Variants in UROS observed in about 807,000 individuals in gnomAD.
The protein encoded by UROS is uroporphyrinogen III synthase.
UROS carries 18 observed loss-of-function variants against 33.0 expected under a neutral mutation model. The ratio of observed to expected loss-of-function variants is 0.55; its 90% CI spans 0.38 to 0.81. UROS has a LOEUF of 0.81. UROS is among the 30% of genes least tolerant of loss of function. The probability of loss-of-function intolerance (pLI) is 0.00; values close to 1 mark genes in which losing one functional copy is unlikely to be tolerated. For missense variants in UROS, 293 were observed against 314.9 expected (o/e 0.93, Z 0.53); for synonymous variants, 114 against 121.1 (o/e 0.94, Z 0.38).
rs1850708963 is a variant in UROS, at chr10:125,788,729, C to A, written c.*139G>T. On this transcript the variant is annotated 3_prime_UTR_variant, in exon 10 of 10. Coordinates refer to ENST00000368797, the MANE Select transcript of UROS (RefSeq NM_000375.3). ...CAGCCCCAGGTCAGGTCCCGATCCC[C>A]GGTCCTCAGGTGCTTCCACTCAGGC... The A allele has an allele frequency of 6.9e-7, 1 of 1,441,308 alleles. No individual in the cohort carries two copies. The highest frequency in any genetic ancestry group is 2.7e-5 in the Admixed American group (1 of 36,448). 89.3% of individuals were successfully genotyped at this position (1,441,308 alleles called of 1,614,324 possible).
intron 1 of UROS, among the ~76,000 whole-genome samples, chr10:125,822,353 TCGC>T (rs1363982461): frequency 1.3e-5 from 2 of 151,662 alleles, no homozygotes; most frequent in African/African-American, 4.8e-5. Context: ...TCTACCTCTG[TCGC>T]CCAGGCTGGA....
chr10:125,816,706 G>C (rs556588729), intron 1 of UROS, 181 bp from the exon 2 acceptor site: 45 of 629,362 alleles, frequency 7.2e-5, no homozygotes, highest in Non-Finnish European at 1.2e-4. Context: ...TCACTGATAA[G>C]GCCAAGAAAG....
At chr10:125,812,885 T>C (rs1031211829) in intron 4 of UROS, among the ~76,000 whole-genome samples, 1 of 152,086 alleles carries the variant, frequency 6.6e-6, no homozygotes, top group Non-Finnish European at 1.5e-5. Flanking sequence ...AAAGAGAAAA[T>C]GGATTGTATA....
intron 6 of UROS, among the ~76,000 whole-genome samples, chr10:125,800,111 G>C (rs1049872022): frequency 1.3e-5 from 2 of 152,046 alleles, no homozygotes; most frequent in African/African-American, 4.8e-5. Flanking sequence ...GCTCAGGAGG[G>C]GGCTTGATAA....
At chr10:125,798,423 C>T (rs1363038870) in intron 6 of UROS, among the ~76,000 whole-genome samples, 2 of 152,248 alleles carry the variant, frequency 1.3e-5, no homozygotes, top group Non-Finnish European at 2.9e-5. Context: ...TTAACTCCTT[C>T]TGATCCTGAA....
intron 1 of UROS, among the ~76,000 whole-genome samples, chr10:125,822,321 T>TTG (rs1268220195): frequency 1.5e-5 from 2 of 133,696 alleles, no homozygotes; most frequent in Non-Finnish European, 3.5e-5. Context: ...CCCGAAGCAT[T>TTG]TTTTTTTTTT....
At chr10:125,792,560 T>C (rs1589921214) in intron 9 of UROS, 1 of 152,258 alleles carries the variant, frequency 6.6e-6, no homozygotes, top group African/African-American at 2.4e-5. Flanking sequence ...GTGGTGGTGG[T>C]GATTACGAAT....
intron 9 of UROS, chr10:125,794,275 A>C (rs1851166547): frequency 2.1e-6 from 2 of 954,892 alleles, no homozygotes; most frequent in Non-Finnish European, 2.5e-6. Flanking sequence ...GTGAGAAGGC[A>C]GGTGAAGCCT....
chr10:125,820,108 C>T (rs921223934), intron 1 of UROS, among the ~76,000 whole-genome samples: 3 of 152,282 alleles, frequency 2.0e-5, no homozygotes, highest in Admixed American at 1.3e-4. Context: ...AGCATTTACT[C>T]ATGTTAATTA....
At chr10:125,796,816 G>A (rs1351523216) in intron 7 of UROS, 1 of 985,310 alleles carries the variant, frequency 1.0e-6, no homozygotes, top group Non-Finnish European at 1.2e-6. Context: ...ATTGACTTAT[G>A]AGGGGCAGCC....
At chr10:125,799,671 C>T (rs1288488142) in intron 6 of UROS, among the ~76,000 whole-genome samples, 3 of 152,180 alleles carry the variant, frequency 2.0e-5, no homozygotes, top group Non-Finnish European at 4.4e-5. Flanking sequence ...TATCTCTCCA[C>T]CACCTGTGCC....
chr10:125,812,082 T>C (rs1852864758), intron 5 of UROS, 132 bp downstream of exon 5: 3 of 750,404 alleles, frequency 4.0e-6, no homozygotes, highest in Non-Finnish European at 6.7e-6. Context: ...TTATCAGTAG[T>C]ATCGTATACT....
At chr10:125,808,611 G>A (rs573498676) in intron 5 of UROS, among the ~76,000 whole-genome samples, 1 of 152,328 alleles carries the variant, frequency 6.6e-6, no homozygotes, top group East Asian at 1.9e-4. Context: ...CCCAAGTAAT[G>A]AAACAATAAT....
At chr10:125,792,657 T>C (rs1431457871) in intron 9 of UROS, 1 of 152,238 alleles carries the variant, frequency 6.6e-6, no homozygotes, top group Non-Finnish European at 1.5e-5. Flanking sequence ...AAGTAGCAAG[T>C]TCAGGTCGGA....
At chr10:125,821,305 T>A (rs765990708) in intron 1 of UROS, among the ~76,000 whole-genome samples, 3 of 152,202 alleles carry the variant, frequency 2.0e-5, no homozygotes, top group Non-Finnish European at 4.4e-5. Context: ...TTATTCAGCC[T>A]TAACAAGGAA....
chr10:125,800,291 G>A (rs1049447194), intron 6 of UROS, among the ~76,000 whole-genome samples: 2 of 152,222 alleles, frequency 1.3e-5, no homozygotes, highest in African/African-American at 4.8e-5. Context: ...GGGGCAGAAC[G>A]TCTGCCCGTT....
chr10:125,805,357 G>A (rs1852230740), intron 6 of UROS, among the ~76,000 whole-genome samples: 1 of 152,216 alleles, frequency 6.6e-6, no homozygotes, highest in Non-Finnish European at 1.5e-5. Flanking sequence ...GAGCAGGTCG[G>A]CATGGAGCAG....
chr10:125,813,224 C>T (rs1037027533), intron 4 of UROS, among the ~76,000 whole-genome samples: 2 of 152,194 alleles, frequency 1.3e-5, no homozygotes, highest in Admixed American at 6.5e-5. Context: ...TGCCCCTTAA[C>T]GTGTGTGTCC....
At chr10:125,802,841 G>T (rs1851958430) in intron 6 of UROS, 2 of 1,501,274 alleles carry the variant, frequency 1.3e-6, no homozygotes. Context: ...ATGAGTTGAG[G>T]TCAGGAGGTC....
Sources: gnomAD v4.1 joint callset for allele counts (sites outside exome capture counted in the v4.1 genomes callset) on GRCh38, gnomAD v4.1.1 for gene constraint, MANE v1.5 for transcripts, NCBI Gene and HGNC (gene_info 2026-07-23, HGNC 2026-07-21) for gene names.